Variants in NDUFS4 observed in about 807,000 individuals in gnomAD.
NDUFS4 encodes the protein NADH:ubiquinone oxidoreductase subunit S4, also known as NADH dehydrogenase [ubiquinone] iron-sulfur protein 4, mitochondrial.
A neutral mutation model predicts 24.3 loss-of-function variants in NDUFS4; 28 were observed. That is an observed-to-expected ratio of 1.15 (90% CI 0.85 to 1.58). The LOEUF is 1.58. Ranked by LOEUF, NDUFS4 falls within the 40% of genes most tolerant of loss-of-function variation. The pLI is 0.00. For synonymous variants in NDUFS4, 93 were observed against 69.7 expected (o/e 1.34, Z -1.67); for missense variants, 223 against 207.9 (o/e 1.07, Z -0.45).
chr5:53,582,166 G>A (rs1305030771), intron 1 of NDUFS4, among the ~76,000 whole-genome samples: 3 of 150,658 alleles, frequency 2.0e-5, no homozygotes, highest in Admixed American at 6.6e-5. Flanking sequence ...AGCCGAGATC[G>A]CGCCACTGCA....
chr5:53,578,407 A>G (rs1288889834), intron 1 of NDUFS4, among the ~76,000 whole-genome samples: 1 of 152,050 alleles, frequency 6.6e-6, no homozygotes, highest in East Asian at 1.9e-4. Context: ...CTTTCTAGAA[A>G]TTTTCTGTTG....
chr5:53,680,588 C>A (rs1003037648), intron 4 of NDUFS4, among the ~76,000 whole-genome samples: 1 of 151,956 alleles, frequency 6.6e-6, no homozygotes. Context: ...AGTAAACTAT[C>A]GCAAGGACAA....
In NDUFS4 at chr5:53,677,098, A is replaced by G. The variant is rs1244659298; in HGVS notation, c.425-6020A>G. Among the ~76,000 whole-genome samples the G allele has an allele frequency of 3.3e-5, 5 of 152,246 alleles. No homozygotes were observed. In the East Asian group the frequency reaches 9.6e-4, roughly 29 times the overall value. On this transcript the variant is annotated intron_variant, in intron 4 of 4. Transcript: ENST00000296684. ...ATGTGTTCTAAATTTCTAATGGCTG[A>G]TTTTCAGATATACTTTTGGAACACA...
At chr5:53,600,608 C>T (rs950790409) in intron 1 of NDUFS4, among the ~76,000 whole-genome samples, 1 of 152,066 alleles carries the variant, frequency 6.6e-6, no homozygotes, top group African/African-American at 2.4e-5. Context: ...TGCGCCCAGC[C>T]CGGTAGGTAT....
intron 1 of NDUFS4, among the ~76,000 whole-genome samples, chr5:53,580,724 CCTTTTCCCTTT>C (rs912322559): frequency 7.4e-5 from 11 of 147,766 alleles, no homozygotes; most frequent in African/African-American, 2.0e-4. Context: ...TTTTCCTTTT[CCTTTTCCCTTT>C]CCTTTCCTTT....
intron 4 of NDUFS4, among the ~76,000 whole-genome samples, chr5:53,673,302 T>C (rs1740341842): frequency 6.6e-6 from 1 of 152,138 alleles, no homozygotes; most frequent in African/African-American, 2.4e-5. Flanking sequence ...ACCTCTCTTT[T>C]CACAAAATGA....
At chr5:53,655,111 G>GT (rs1752126158) in intron 3 of NDUFS4, among the ~76,000 whole-genome samples, 1 of 152,158 alleles carries the variant, frequency 6.6e-6, no homozygotes, top group Non-Finnish European at 1.5e-5. Context: ...TGTGTACAAC[G>GT]TATTATTTTG....
chr5:53,578,095 C>T (rs557707658), intron 1 of NDUFS4, among the ~76,000 whole-genome samples: 129 of 152,286 alleles, frequency 8.5e-4, no homozygotes, highest in Non-Finnish European at 1.5e-3. Context: ...ATTAATGTCT[C>T]AGCATACCAT....
intron 4 of NDUFS4, among the ~76,000 whole-genome samples, chr5:53,666,235 T>G (rs998451735): frequency 1.3e-5 from 2 of 152,220 alleles, no homozygotes; most frequent in African/African-American, 4.8e-5. Flanking sequence ...TCATTTGAAG[T>G]CTGTCACATG....
chr5:53,677,516 G>A (rs1446002128), intron 4 of NDUFS4, among the ~76,000 whole-genome samples: 1 of 151,884 alleles, frequency 6.6e-6, no homozygotes, highest in East Asian at 1.9e-4. Context: ...ACCCCCTACT[G>A]TACCCCACCC....
At chr5:53,624,679 T>C (rs1390186119) in intron 2 of NDUFS4, among the ~76,000 whole-genome samples, 1 of 152,222 alleles carries the variant, frequency 6.6e-6, no homozygotes. Flanking sequence ...ATATTGATTT[T>C]ATATTTGCAA....
chr5:53,616,731 GAGA>G (rs1383481798), intron 2 of NDUFS4, among the ~76,000 whole-genome samples: 2 of 152,106 alleles, frequency 1.3e-5, no homozygotes, highest in Non-Finnish European at 2.9e-5. Context: ...GAATTATAAT[GAGA>G]AGGCTTTATA....
At chr5:53,617,908 T>G (rs1399551023) in intron 2 of NDUFS4, among the ~76,000 whole-genome samples, 2 of 152,216 alleles carry the variant, frequency 1.3e-5, no homozygotes, top group African/African-American at 4.8e-5. Context: ...TTAACCTCTG[T>G]GAGTGTCCTC....
chr5:53,592,000 G>T (rs890499658), intron 1 of NDUFS4, among the ~76,000 whole-genome samples: 4 of 151,902 alleles, frequency 2.6e-5, no homozygotes, highest in Non-Finnish European at 5.9e-5. Flanking sequence ...GCAGTGTGGC[G>T]CAATCTTGGC....
chr5:53,621,343 TG>T (rs1349004812), intron 2 of NDUFS4, among the ~76,000 whole-genome samples: 1 of 152,140 alleles, frequency 6.6e-6, no homozygotes, highest in African/African-American at 2.4e-5. Flanking sequence ...CGATTATATG[TG>T]GGTCTTACTT....
Position 53,683,265 on chromosome 5 carries a change from C to T in NDUFS4, c.*44C>T. ...TCTGCTTGACTGTGAATAAAGTCAGCTGTGCAGTATTTATAGTCCATGTAT... is the reference window on the plus strand; with the variant it reads ...TCTGCTTGACTGTGAATAAAGTCAGTTGTGCAGTATTTATAGTCCATGTAT... On this transcript the variant is annotated 3_prime_UTR_variant, in exon 5 of 5. Coordinates refer to ENST00000296684, the MANE Select transcript of NDUFS4 (RefSeq NM_002495.4). 7.3e-7 allele frequency: 1 copy of T among 1,368,700 alleles called. No individual in the cohort carries two copies. The highest frequency in any genetic ancestry group is 1.0e-6 in the Non-Finnish European group (1 of 957,114). 84.8% of individuals were successfully genotyped at this position (1,368,700 alleles called of 1,614,324 possible).
chr5:53,651,563 A>G (rs1239609996), intron 3 of NDUFS4, among the ~76,000 whole-genome samples: 1 of 151,942 alleles, frequency 6.6e-6, no homozygotes, highest in Non-Finnish European at 1.5e-5. Context: ...AGATAAGTCC[A>G]TATAGACTTG....
intron 2 of NDUFS4, among the ~76,000 whole-genome samples, chr5:53,635,673 C>T (rs913748369): frequency 2.0e-5 from 3 of 152,112 alleles, no homozygotes; most frequent in African/African-American, 7.2e-5. Flanking sequence ...TTTCAAAATG[C>T]TTCTGTTAAA....
chr5:53,658,546 T>TA lies in NDUFS4; in HGVS notation c.351-4dup. 2 of 1,612,356 alleles carry TA rather than the reference T, an allele frequency of 1.2e-6. No homozygotes were observed. Among genetic ancestry groups the TA allele is most frequent in the Non-Finnish European group, 1.7e-6 (2 of 1,178,704 alleles). On this transcript the variant is annotated splice_polypyrimidine_tract_variant and splice_region_variant and intron_variant, in intron 3 of 4. Transcript: ENST00000296684. The stretch of plus-strand genomic sequence containing the variant: ...AAATCTTGGAAAAAAATTTGTTTCT[T>TA]ACAGGGCTGATCCCTTATCCAACAT...
Sources: allele counts gnomAD v4.1 joint callset (sites outside exome capture counted in the v4.1 genomes callset), GRCh38; gene constraint gnomAD v4.1.1; transcripts MANE v1.5; gene names NCBI Gene and HGNC (gene_info 2026-07-23, HGNC 2026-07-21).